Variants in FOXN3 observed in about 807,000 individuals in gnomAD.
FOXN3 encodes forkhead box N3.
A neutral mutation model predicts 38.4 loss-of-function variants in FOXN3; 7 were observed. The ratio of observed to expected loss-of-function variants is 0.18; its 90% confidence interval spans 0.10 to 0.34. The LOEUF is 0.34. Among genes scored for constraint, FOXN3 ranks in the 10% least tolerant of loss-of-function variants. FOXN3 has a pLI of 1.00. For synonymous variants in FOXN3, 230 were observed against 242.2 expected (o/e 0.95, Z 0.47); for missense variants, 456 against 613.4 (o/e 0.74, Z 2.71).
At chr14:89,528,418 AAG>A (rs1460506110) in intron 1 of FOXN3, among the ~76,000 whole-genome samples, 6 of 84,412 alleles carry the variant, frequency 7.1e-5, no homozygotes, top group South Asian at 3.8e-4. Context: ...TTGAAAAAGA[AAG>A]AGTTTTGCTC....
intron 1 of FOXN3, among the ~76,000 whole-genome samples, chr14:89,511,264 TTTC>T (rs1237550811): frequency 3.7e-5 from 1 of 26,960 alleles, no homozygotes; most frequent in African/African-American, 8.6e-5. Context: ...TCTTTCTTTC[TTTC>T]TTTCTTTCTT....
At chr14:89,200,442 G>C (rs966218940) in intron 4 of FOXN3, among the ~76,000 whole-genome samples, 1 of 152,180 alleles carries the variant, frequency 6.6e-6, no homozygotes, top group Non-Finnish European at 1.5e-5. Context: ...CTGGTGCTGA[G>C]GGCTGTCTCA....
At chr14:89,326,535 G>C (rs1472986575) in intron 3 of FOXN3, among the ~76,000 whole-genome samples, 1 of 152,172 alleles carries the variant, frequency 6.6e-6, no homozygotes, top group East Asian at 1.9e-4. Context: ...CTGGACTTTA[G>C]TCAAAAGTAA....
intron 1 of FOXN3, chr14:89,577,064 A>G (rs1317820278): frequency 1.3e-5 from 2 of 152,216 alleles, no homozygotes; most frequent in African/African-American, 2.4e-5. Flanking sequence ...AAAATTTCCC[A>G]TAAACACAGG....
intron 1 of FOXN3, among the ~76,000 whole-genome samples, chr14:89,465,840 A>G (rs1032867925): frequency 2.6e-5 from 4 of 152,266 alleles, no homozygotes; most frequent in Non-Finnish European, 4.4e-5. Context: ...AGATGCAGTA[A>G]GCTAGGACAT....
chr14:89,340,926 G>T lies in FOXN3; in HGVS notation c.680+9746C>A, dbSNP rs151136141. On this transcript the variant is annotated intron_variant, in intron 3 of 5. Transcript: ENST00000557258. ...TTGAAATCTGCACTTAATTTCAAGA[G>T]AAGAGCCTGACCTCTCATTGCTGGC... Among the ~76,000 whole-genome samples, 252 of 152,250 alleles carry T rather than the reference G, an allele frequency of 1.7e-3. 2 individuals are homozygous for T. Among genetic ancestry groups the T allele is most frequent in the African/African-American group, 5.7e-3 (236 of 41,544 alleles).
chr14:89,205,727 G>C (rs892145506), intron 4 of FOXN3, among the ~76,000 whole-genome samples: 1 of 152,232 alleles, frequency 6.6e-6, no homozygotes, highest in Non-Finnish European at 1.5e-5. Context: ...CCTGCAGATG[G>C]CAAAACTGAA....
intron 4 of FOXN3, among the ~76,000 whole-genome samples, chr14:89,275,393 G>T (rs1370935827): frequency 6.6e-6 from 1 of 152,158 alleles, no homozygotes; most frequent in Non-Finnish European, 1.5e-5. Context: ...GAACAGAGCT[G>T]GTACTAGATA....
Position 89,162,157 on chromosome 14 carries a change from A to G in FOXN3, c.*257T>C. 3 of 319,930 alleles carry G rather than the reference A, an allele frequency of 9.4e-6. No homozygotes were observed. Among genetic ancestry groups the G allele is most frequent in the Non-Finnish European group, 1.7e-5 (3 of 178,074 alleles). The allele number at this position is 319,930 out of a possible 1,614,324, so 19.8% of individuals were successfully genotyped here. ...TTTTCGGTTTTGTCTTCAGATAATG[A>G]AAAGCTTTTGTAAAACAGCTGAGTG... is the stretch of plus-strand genomic sequence containing the variant. On this transcript the variant is annotated 3_prime_UTR_variant, in exon 6 of 6. Coordinates refer to ENST00000557258, the MANE Select transcript of FOXN3 (RefSeq NM_005197.4). The surrounding 1 kb of genome is among the most constrained non-coding windows in gnomAD (Gnocchi z 7.2).
intron 4 of FOXN3, among the ~76,000 whole-genome samples, chr14:89,225,845 C>G (rs1884620078): frequency 6.6e-6 from 1 of 152,048 alleles, no homozygotes; most frequent in Non-Finnish European, 1.5e-5. Context: ...GCCCATCAGG[C>G]TCTCTGAAAG....
chr14:89,230,738 C>A, intron 4 of FOXN3: 2 of 366,016 alleles, frequency 5.5e-6, no homozygotes, highest in Non-Finnish European at 5.6e-6. Context: ...ACAGGCGCCA[C>A]ACACTCTTTA....
rs1017002433 is a variant in FOXN3, at chr14:89,159,633, AAC to A, written c.*2779_*2780del. On this transcript the variant is annotated 3_prime_UTR_variant, in exon 6 of 6. Transcript: ENST00000557258. ...TAATTGGAAGAAGTCCTCGGCCAGA[AAC>A]AGTCCTGAATGTTGAACCTCTGCCT... 5.1e-4 allele frequency: 77 copies of A among 152,342 alleles called. No homozygotes were observed. Among genetic ancestry groups the A allele is most frequent in the African/African-American group, 1.8e-3 (74 of 41,568 alleles). 9.4% of individuals were successfully genotyped at this position (152,342 alleles called of 1,614,324 possible). A position where few individuals can be genotyped will look rare whatever the true frequency, so the allele number is the denominator to read the frequency against.
chr14:89,232,541 G>A (rs1279715524), intron 4 of FOXN3, among the ~76,000 whole-genome samples: 3 of 152,180 alleles, frequency 2.0e-5, no homozygotes, highest in Admixed American at 2.0e-4. Context: ...CCGTGCCTAC[G>A]CGGGCTGAAA....
chr14:89,455,206 C>A (rs2139718256), intron 1 of FOXN3, among the ~76,000 whole-genome samples: 1 of 152,266 alleles, frequency 6.6e-6, no homozygotes, highest in Middle Eastern at 3.4e-3. Flanking sequence ...CCCTGCCCGG[C>A]CGATATGCCA....
chr14:89,552,337 A>G (rs1213249182), intron 1 of FOXN3, among the ~76,000 whole-genome samples: 1 of 152,232 alleles, frequency 6.6e-6, no homozygotes, highest in Non-Finnish European at 1.5e-5. Flanking sequence ...CAGTTCACAT[A>G]TGTGTCACCG....
At chr14:89,207,775 G>A (rs1312685854) in intron 4 of FOXN3, among the ~76,000 whole-genome samples, 1 of 152,138 alleles carries the variant, frequency 6.6e-6, no homozygotes, top group East Asian at 1.9e-4. Flanking sequence ...ACAAAGACAG[G>A]GCCCATAACA....
chr14:89,393,766 G>C (rs1399687648), intron 2 of FOXN3, among the ~76,000 whole-genome samples: 3 of 152,344 alleles, frequency 2.0e-5, no homozygotes, highest in African/African-American at 7.2e-5. Context: ...GGCTTGTCCA[G>C]AGTGAGGCAG....
Position 89,398,843 on chromosome 14 carries a change from C to G in FOXN3, c.543+13091G>C, listed in dbSNP as rs895293506. Among the ~76,000 whole-genome samples the G allele has an allele frequency of 2.1e-4, 32 of 152,154 alleles. No individual in the cohort carries two copies. In the South Asian group the frequency reaches 6.4e-3, roughly 31 times the overall value. ...TCTACTAAAAATACAAAATTAGCCA[C>G]GCATGGTGGCACATGCCTGTAATCC... On this transcript the variant is annotated intron_variant, in intron 2 of 5. Coordinates refer to ENST00000557258, the MANE Select transcript of FOXN3 (RefSeq NM_005197.4).
At chr14:89,291,585 T>C (rs1886875093) in intron 3 of FOXN3, 6 of 533,602 alleles carry the variant, frequency 1.1e-5, no homozygotes, top group South Asian at 3.0e-5. Flanking sequence ...AGTCCCTACA[T>C]GTCTGCCATT....
Sources: gnomAD v4.1 joint callset for allele counts (sites outside exome capture counted in the v4.1 genomes callset) on GRCh38, gnomAD v4.1.1 for gene constraint, Gnocchi (gnomAD v3.1) non-coding constraint, MANE v1.5 for transcripts, NCBI Gene and HGNC (gene_info 2026-07-23, HGNC 2026-07-21) for gene names.